The following LPA variants were observed in gnomAD, a reference collection of about 807,000 sequenced individuals.
LPA encodes the protein apolipoprotein(a).
LPA carries 199 observed loss-of-function variants against 197.9 expected under a neutral mutation model. The ratio of observed to expected loss-of-function variants is 1.01; its 90% CI spans 0.90 to 1.13. The LOEUF (loss-of-function observed/expected upper bound fraction) is 1.13, where lower values mean the gene tolerates loss of function less well. LPA is among the 50% of genes most tolerant of loss of function. LPA has a pLI of 0.00. For missense variants in LPA, 1,853 were observed against 1,785.8 expected (o/e 1.04, Z -0.68); for synonymous variants, 715 against 639.5 (o/e 1.12, Z -1.78).
intron 28 of LPA, among the ~76,000 whole-genome samples, chr6:160,571,991 G>A (rs1289746700): frequency 2.0e-5 from 3 of 152,200 alleles, no homozygotes; most frequent in African/African-American, 7.2e-5. Flanking sequence ...TTGAAATCCA[G>A]GGCCCTGGTG....
At chr6:160,662,813 G>C (rs1477878796) in intron 1 of LPA, among the ~76,000 whole-genome samples, 1 of 152,138 alleles carries the variant, frequency 6.6e-6, no homozygotes, top group Non-Finnish European at 1.5e-5. Flanking sequence ...GTAATTTATA[G>C]ATTAAATTGC....
chr6:160,561,828 G>A (rs1300076911), intron 28 of LPA, among the ~76,000 whole-genome samples: 1 of 152,088 alleles, frequency 6.6e-6, no homozygotes, highest in Non-Finnish European at 1.5e-5. Context: ...TATTCTCTTT[G>A]TAGCAATTGT....
intron 10 of LPA, among the ~76,000 whole-genome samples, chr6:160,625,962 TAAC>T (rs1282343896): frequency 2.6e-5 from 2 of 76,838 alleles, no homozygotes; most frequent in African/African-American, 7.2e-5. Flanking sequence ...ATTATCATTT[TAAC>T]AATATTCCCT....
rs1780271679 is a variant in LPA, at chr6:160,664,203, C to T, written c.12G>A (p.Lys4=). Residue 4 remains lysine (K), a synonymous_variant, in exon 1 of 39, where the codon AAG becomes AAA. Coordinates refer to ENST00000316300, the MANE Select transcript of LPA (RefSeq NM_005577.4). MEH[K]EVVLLLLLFL... ...ATAAAAGAAGTAGAAGAACCACTTC[C>T]TTATGTTCCATTTTGGGACTGGCCA... 1 of 1,606,656 alleles carries T rather than the reference C, an allele frequency of 6.2e-7. No individual in the cohort carries two copies. Among genetic ancestry groups the T allele is most frequent in the Non-Finnish European group, 8.5e-7 (1 of 1,178,152 alleles).
At chr6:160,555,699 ATGGG>A (rs1330306592) in intron 30 of LPA, among the ~76,000 whole-genome samples, 1 of 151,932 alleles carries the variant, frequency 6.6e-6, no homozygotes, top group African/African-American at 2.4e-5. Flanking sequence ...ATAGAATTGC[ATGGG>A]TGAAAGAGTG....
Position 160,531,649 on chromosome 6 carries a change from C to A in LPA, c.*80G>T. The A allele has an allele frequency of 6.4e-7, 1 of 1,556,098 alleles. No homozygotes were observed. The highest frequency in any genetic ancestry group is 8.9e-7 in the Non-Finnish European group (1 of 1,127,906). ...AACAGTGTCTTCGTTTGATTGCTGTCTATTATTTCCAGCATGCTAAATCCT... is the reference window on the plus strand; with the variant it reads ...AACAGTGTCTTCGTTTGATTGCTGTATATTATTTCCAGCATGCTAAATCCT... On this transcript the variant is annotated 3_prime_UTR_variant, in exon 39 of 39. Coordinates refer to ENST00000316300, the MANE Select transcript of LPA (RefSeq NM_005577.4).
chr6:160,541,238 T>C (rs1777977228), intron 34 of LPA, 57 bp from the exon 35 acceptor site: 1 of 1,247,774 alleles, frequency 8.0e-7, no homozygotes, highest in African/African-American at 1.5e-5. Context: ...TCTACTTCAT[T>C]GTACAGAAAG....
At chr6:160,649,649 A>G (rs1269643524) in intron 2 of LPA, among the ~76,000 whole-genome samples, 2 of 152,022 alleles carry the variant, frequency 1.3e-5, no homozygotes, top group Non-Finnish European at 2.9e-5. Flanking sequence ...TTGGTCCTCT[A>G]CCATCTATTG....
intron 34 of LPA, 23 bp downstream of exon 34, chr6:160,542,665 A>T (rs1217423565): frequency 2.1e-5 from 34 of 1,612,150 alleles, no homozygotes; most frequent in Non-Finnish European, 2.8e-5. Flanking sequence ...GACAGTATAG[A>T]TGGTTTCTGG....
chr6:160,557,628 C>A, intron 28 of LPA, 57 bp from the exon 29 acceptor site: 2 of 1,450,898 alleles, frequency 1.4e-6, no homozygotes, highest in South Asian at 2.3e-5. Flanking sequence ...CAGGGGCACC[C>A]AGCGCTGTCT....
At chr6:160,571,956 C>G (rs1324422693) in intron 28 of LPA, among the ~76,000 whole-genome samples, 2 of 152,200 alleles carry the variant, frequency 1.3e-5, no homozygotes, top group Non-Finnish European at 2.9e-5. Context: ...TTAGTGTCTG[C>G]CCAAATGCCA....
In LPA at chr6:160,578,640, C is replaced by T. The variant is rs1778732376; in HGVS notation, c.4354G>A (p.Asp1452Asn). ...AEIRPWCYTM[D>N]PSVRWEYCNL... ...CAGTACTCCCACCTGACACTGGGAT[C>T]CATGGTGTAACACCAAGGGCGAATC... is the stretch of plus-strand genomic sequence containing the variant. Residue 1452 changes from aspartate to asparagine, a missense_variant, in exon 27 of 39, where the codon GAT (aspartate) becomes AAT (asparagine). By Grantham distance (23) the Asp-to-Asn change is conservative. This residue lies in a region of LPA where 1,737 missense variants were observed against 1,504.4 expected (regional missense o/e 1.15). Transcript: ENST00000316300. 6.2e-7 allele frequency: 1 copy of T among 1,613,954 alleles called. No individual in the cohort carries two copies. The highest frequency in any genetic ancestry group is 2.2e-5 in the East Asian group (1 of 44,868).
In LPA at chr6:160,532,559, T is replaced by C. The variant is rs1422623218; in HGVS notation, c.5933A>G (p.His1978Arg). 7 of 1,612,078 alleles carry C rather than the reference T, an allele frequency of 4.3e-6. No individual in the cohort carries two copies. The highest frequency in any genetic ancestry group is 5.9e-6 in the Non-Finnish European group (7 of 1,178,126). Residue 1978 changes from histidine to arginine, a missense_variant, in exon 38 of 39, where the codon CAT becomes CGT. His to Arg is a conservative substitution (Grantham distance 29). Around this residue, in one of 3 missense-constraint regions of LPA, gnomAD observed 1,737 missense variants for 1,504.4 expected, o/e 1.15. Transcript: ENST00000316300. ...CNHYKYICAE[H>R]LARGTDSCQG... ...GCAACTGTCAGTGCCTCTGGCCAAATGCTCAGCACAAATATACTTATAGTG... is the reference window on the plus strand; with the variant it reads ...GCAACTGTCAGTGCCTCTGGCCAAACGCTCAGCACAAATATACTTATAGTG...
intron 28 of LPA, among the ~76,000 whole-genome samples, chr6:160,571,221 T>A (rs539664804): frequency 6.6e-6 from 1 of 152,252 alleles, no homozygotes; most frequent in East Asian, 1.9e-4. Context: ...CTCCCTAAGG[T>A]CATTTATGTT....
At chr6:160,664,105 T>C in intron 1 of LPA, 61 bp downstream of exon 1, 2 of 1,380,140 alleles carry the variant, frequency 1.4e-6, no homozygotes, top group Non-Finnish European at 2.0e-6. Flanking sequence ...ATGGCATATG[T>C]ATTTTTACTA....
chr6:160,640,672 T>TAAAAAA lies in LPA; in HGVS notation c.727_728insTTTTTT (p.Glu243delinsValPheTer). 8.2e-6 allele frequency: 2 copies of TAAAAAA among 243,522 alleles called. No homozygotes were observed. The highest frequency in any genetic ancestry group is 1.4e-5 in the Non-Finnish European group (2 of 145,828). The allele number at this position is 243,522 out of a possible 1,614,324, so 15.1% of individuals were successfully genotyped here. ...TCTGGCCACAGACTCCTTACCTTGT[T>TAAAAAA]CGGAAGGAGCCTCTAGGCTTGGAAC... is the stretch of plus-strand genomic sequence containing the variant. On this transcript the variant is annotated stop_gained and protein_altering_variant, in exon 5 of 39. Transcript: ENST00000316300. LOFTEE classifies it high-confidence loss of function.
In LPA at chr6:160,558,080, T is replaced by A. The variant is rs368425688; in HGVS notation, c.4632-509A>T. ...GACTACAGGCGCCCGCCACCACGCCTGGCTAATTTTTTGTATTTTTAGTAG... is the reference window on the plus strand; with the variant it reads ...GACTACAGGCGCCCGCCACCACGCCAGGCTAATTTTTTGTATTTTTAGTAG... On this transcript the variant is annotated intron_variant, in intron 28 of 38. Coordinates refer to ENST00000316300, the MANE Select transcript of LPA (RefSeq NM_005577.4). 1.5e-4 allele frequency among the ~76,000 whole-genome samples: 23 copies of A among 152,126 alleles called. No individual in the cohort carries two copies. The East Asian group carries it at 3.1e-3, about 21-fold the overall frequency.
At chr6:160,586,184 T>C (rs777503768) in intron 25 of LPA, among the ~76,000 whole-genome samples, 1 of 152,158 alleles carries the variant, frequency 6.6e-6, no homozygotes, top group Non-Finnish European at 1.5e-5. Context: ...AGGACACTAA[T>C]ATGATTCGTT....
chr6:160,650,255 T>C, intron 2 of LPA, 83 bp downstream of exon 2: 1 of 1,411,900 alleles, frequency 7.1e-7, no homozygotes, highest in Non-Finnish European at 1.0e-6. Context: ...AATTTAATCA[T>C]AAGAAGTTAG....
Sources: allele counts gnomAD v4.1 joint callset (sites outside exome capture counted in the v4.1 genomes callset), GRCh38; gene constraint gnomAD v4.1.1; regional missense constraint gnomAD v4.1.1; transcripts MANE v1.5; gene names NCBI Gene and HGNC (gene_info 2026-07-23, HGNC 2026-07-21).